The following KIF13A variants were observed in gnomAD, a reference collection of about 807,000 sequenced individuals.
The protein encoded by KIF13A is kinesin-like protein KIF13A.
In KIF13A, 79 loss-of-function variants were observed where a neutral mutation model predicts 212.2. That is an observed-to-expected ratio of 0.37 (90% CI 0.31 to 0.45). The LOEUF (loss-of-function observed/expected upper bound fraction) is 0.45, where lower values mean the gene tolerates loss of function less well. Ranked by LOEUF, KIF13A falls within the 20% of genes least tolerant of loss-of-function variation. The pLI, the probability that KIF13A is intolerant of heterozygous loss-of-function variation, is 1.00. For missense variants in KIF13A, 1,901 were observed against 2,209.0 expected (o/e 0.86, Z 2.79); for synonymous variants, 789 against 808.6 (o/e 0.98, Z 0.41).
Position 17,834,734 on chromosome 6 carries a change from G to C in KIF13A, c.1156-663C>G, listed in dbSNP as rs551429301. ...CAATAATATGCTTTGACACCTTAAA[G>C]TAACATGAGCCTCTACAAAGTTAAA... On this transcript the variant is annotated intron_variant, in intron 11 of 38. Transcript: ENST00000259711. This position sits in a 1 kb window ranked among gnomAD's most constrained non-coding sequence, Gnocchi z 4.0. 6.6e-6 allele frequency among the ~76,000 whole-genome samples: 1 copy of C among 152,254 alleles called. No homozygotes were observed. Among genetic ancestry groups the C allele is most frequent in the Admixed American group, 6.5e-5 (1 of 15,296 alleles).
In KIF13A at chr6:17,899,014, C is replaced by T. The variant is rs551365102; in HGVS notation, c.147-834G>A. On this transcript the variant is annotated intron_variant, in intron 2 of 38. Coordinates refer to ENST00000259711, the MANE Select transcript of KIF13A (RefSeq NM_022113.6). The surrounding 1 kb of genome is among the most constrained non-coding windows in gnomAD (Gnocchi z 5.2). ...CCACACCTGGGTAATTTTTTACTTT[C>T]TTAAGAGACACTATGTTGCCCCAGG... Among the ~76,000 whole-genome samples, 6 of 152,046 alleles carry T rather than the reference C, an allele frequency of 3.9e-5. No homozygotes were observed. In the South Asian group the frequency reaches 1.2e-3, roughly 32 times the overall value.
intron 2 of KIF13A, among the ~76,000 whole-genome samples, chr6:17,977,088 C>T (rs530826609): frequency 5.0e-5 from 7 of 138,778 alleles, no homozygotes; most frequent in Admixed American, 4.8e-4. Context: ...GGAAACAGAG[C>T]GAGACTCCGT....
chr6:17,784,093 G>C (rs1195562928), intron 28 of KIF13A, among the ~76,000 whole-genome samples: 2 of 152,186 alleles, frequency 1.3e-5, no homozygotes, highest in African/African-American at 4.8e-5. Flanking sequence ...AGGGAGGGTT[G>C]TGTACAGAAG....
In KIF13A at chr6:17,799,194, G is replaced by T; in HGVS notation, c.2790+72C>A. On this transcript the variant is annotated intron_variant, in intron 22 of 38. Coordinates refer to ENST00000259711, the MANE Select transcript of KIF13A (RefSeq NM_022113.6). The surrounding 1 kb of genome is among the most constrained non-coding windows in gnomAD (Gnocchi z 4.4). ...TTATACTTAAAACAAATGCTTGTGG[G>T]GACAACTGATTGTTGAACTGCACCA... 1 of 1,038,198 alleles carries T rather than the reference G, an allele frequency of 9.6e-7. No individual in the cohort carries two copies. The highest frequency in any genetic ancestry group is 1.3e-6 in the Non-Finnish European group (1 of 758,114). 64.3% of individuals were successfully genotyped at this position (1,038,198 alleles called of 1,614,324 possible).
chr6:17,960,503 C>T (rs2150585982), intron 2 of KIF13A, among the ~76,000 whole-genome samples: 1 of 152,292 alleles, frequency 6.6e-6, no homozygotes, highest in East Asian at 1.9e-4. Flanking sequence ...ATCAGCCTGG[C>T]TAACAAATCA....
chr6:17,902,754 T>TGA (rs558499912), intron 2 of KIF13A, among the ~76,000 whole-genome samples: 160 of 152,322 alleles, frequency 1.1e-3, no homozygotes, highest in African/African-American at 3.7e-3. Context: ...TTGGCACACA[T>TGA]AAAGTTCTGA....
At chr6:17,859,255 C>A (rs1768457973) in intron 4 of KIF13A, among the ~76,000 whole-genome samples, 1 of 151,914 alleles carries the variant, frequency 6.6e-6, no homozygotes, top group Non-Finnish European at 1.5e-5. Context: ...GATGTGTATA[C>A]TAAAATTGCA....
At position 17,838,307 on chromosome 6, in the gene KIF13A, CA is replaced by C. The variant is rs1766172822; in HGVS notation, c.831-725del. ...CTGTACTCCAGCCTGGGCGACAGAG[CA>C]AGACTCCATCTCAAAAAAAAAAAAA... On this transcript the variant is annotated intron_variant, in intron 9 of 38. Transcript: ENST00000259711. The surrounding 1 kb of genome is among the most constrained non-coding windows in gnomAD (Gnocchi z 4.2). 6.8e-6 allele frequency among the ~76,000 whole-genome samples: 1 copy of C among 147,258 alleles called. No homozygotes were observed. The highest frequency in any genetic ancestry group is 1.5e-5 in the Non-Finnish European group (1 of 67,246).
intron 2 of KIF13A, among the ~76,000 whole-genome samples, chr6:17,944,889 A>C (rs1025218418): frequency 6.6e-6 from 1 of 152,220 alleles, no homozygotes; most frequent in African/African-American, 2.4e-5. Flanking sequence ...ATCAGAATTA[A>C]TGAGAATTTA....
At chr6:17,940,572 A>G (rs1307411387) in intron 2 of KIF13A, among the ~76,000 whole-genome samples, 1 of 152,182 alleles carries the variant, frequency 6.6e-6, no homozygotes, top group Non-Finnish European at 1.5e-5. Flanking sequence ...CAGAGTTAAG[A>G]GAGAATTCCC....
intron 16 of KIF13A, among the ~76,000 whole-genome samples, chr6:17,823,371 C>T (rs1245654511): frequency 6.6e-6 from 1 of 151,296 alleles, no homozygotes; most frequent in Non-Finnish European, 1.5e-5. Flanking sequence ...TTGTTTTTCA[C>T]AGTCTGGCTG....
chr6:17,828,201 G>T lies in KIF13A; in HGVS notation c.1532+39C>A. ...GCAGCCTTCTCCTTCTGAAAATAAGGCACACAAGACACGTGAAGTCACCAT... is the reference window on the plus strand; with the variant it reads ...GCAGCCTTCTCCTTCTGAAAATAAGTCACACAAGACACGTGAAGTCACCAT... On this transcript the variant is annotated intron_variant, in intron 14 of 38. Coordinates refer to ENST00000259711, the MANE Select transcript of KIF13A (RefSeq NM_022113.6). This position sits in a 1 kb window ranked among gnomAD's most constrained non-coding sequence, Gnocchi z 4.3. The T allele has an allele frequency of 3.1e-6, 5 of 1,587,502 alleles. No homozygotes were observed. The highest frequency in any genetic ancestry group is 4.3e-6 in the Non-Finnish European group (5 of 1,164,620).
chr6:17,767,121 T>C (rs1209675775), intron 38 of KIF13A, among the ~76,000 whole-genome samples: 1 of 152,078 alleles, frequency 6.6e-6, no homozygotes, highest in Admixed American at 6.6e-5. Context: ...ATCAAAAAAG[T>C]GGGGTGGAGC....
chr6:17,868,300 T>C (rs1459920118), intron 4 of KIF13A, among the ~76,000 whole-genome samples: 2 of 152,206 alleles, frequency 1.3e-5, no homozygotes, highest in Non-Finnish European at 2.9e-5. Context: ...TGTTATCTAC[T>C]AACATGGCAC....
rs546769804 is a variant in KIF13A at position 17,849,402 on chromosome 6, G to A, written c.805C>T (p.Leu269=). The A allele has an allele frequency of 6.2e-7, 1 of 1,613,286 alleles. No homozygotes were observed. The highest frequency in any genetic ancestry group is 1.3e-5 in the African/African-American group (1 of 75,038). The change falls in exon 9 of 39, where the codon CTG becomes TTG. Residue 269 remains leucine, a synonymous_variant. Transcript: ENST00000259711. This position sits in a 1 kb window ranked among gnomAD's most constrained non-coding sequence, Gnocchi z 5.7. ...TTGTTAATGTTGCTGCCTTCTTTCA[G>A]TCGCTCTCCTGCAGCTCCTGTTTTA... The part of the protein sequence containing the change: ...VSKTGAAGER[L]KEGSNINKSL...
At position 17,946,515 on chromosome 6, in the gene KIF13A, C is replaced by T. The variant is rs1049630743; in HGVS notation, c.146+40539G>A. Among the ~76,000 whole-genome samples the T allele has an allele frequency of 1.3e-5, 2 of 151,218 alleles. 1 individual carries two copies. The highest frequency in any genetic ancestry group is 2.9e-5 in the Non-Finnish European group (2 of 67,850). On this transcript the variant is annotated intron_variant, in intron 2 of 38. Coordinates refer to ENST00000259711, the MANE Select transcript of KIF13A (RefSeq NM_022113.6). The stretch of plus-strand genomic sequence containing the variant: ...TTTTCAAAAGAAAACAAATGAATGG[C>T]CGATAAAATATATGAAAAGATGTTC...
intron 2 of KIF13A, among the ~76,000 whole-genome samples, chr6:17,908,582 C>CTCTG (rs1391553681): frequency 6.6e-6 from 1 of 151,676 alleles, no homozygotes; most frequent in Non-Finnish European, 1.5e-5. Context: ...CGAGCCTAGG[C>CTCTG]GACAGAGCGA....
intron 2 of KIF13A, among the ~76,000 whole-genome samples, chr6:17,975,419 G>A (rs988533058): frequency 2.0e-5 from 3 of 152,078 alleles, no homozygotes; most frequent in Admixed American, 6.6e-5. Context: ...TTTTCCTTTT[G>A]GTGGGTTCGT....
At chr6:17,841,362 G>C (rs1001286552) in intron 9 of KIF13A, among the ~76,000 whole-genome samples, 1 of 152,176 alleles carries the variant, frequency 6.6e-6, no homozygotes, top group Non-Finnish European at 1.5e-5. Context: ...ACCATGCCCA[G>C]TCGTATGCCC....
Sources: gnomAD v4.1 joint callset for allele counts (sites outside exome capture counted in the v4.1 genomes callset) on GRCh38, gnomAD v4.1.1 for gene constraint, Gnocchi (gnomAD v3.1) non-coding constraint, MANE v1.5 for transcripts, NCBI Gene and HGNC (gene_info 2026-07-23, HGNC 2026-07-21) for gene names.